PCCA: variants seen among roughly 807,000 people sequenced by gnomAD.
PCCA encodes the protein propionyl-CoA carboxylase subunit alpha, also known as propionyl-CoA carboxylase alpha chain, mitochondrial.
Under a neutral mutation model 101.3 loss-of-function variants are expected in PCCA, and 74 were observed. The observed-to-expected ratio is 0.73, with a 90% CI of 0.61 to 0.89. The LOEUF (loss-of-function observed/expected upper bound fraction) is 0.89. Among genes scored for constraint, PCCA ranks in the 40% least tolerant of loss-of-function variants. The pLI, the probability that PCCA is intolerant of heterozygous loss-of-function variation, is 0.00. For synonymous variants in PCCA, 294 were observed against 313.6 expected (o/e 0.94, Z 0.66); for missense variants, 891 against 907.0 (o/e 0.98, Z 0.23).
rs140226549 is a variant in PCCA, at chr13:100,198,522, C to G, written c.469-10810C>G. ...TTCATTCATTCATTCATTTTTGAGA[C>G]GAGTTTCGCTCTTGTTGCCCAGGCT... is the stretch of plus-strand genomic sequence containing the variant. On this transcript the variant is annotated intron_variant, in intron 6 of 23. Coordinates refer to ENST00000376285, the MANE Select transcript of PCCA (RefSeq NM_000282.4). The G allele has an allele frequency of 1.8e-3, 273 of 150,926 alleles. 1 individual carries two copies. The highest frequency in any genetic ancestry group is 6.2e-3 in the African/African-American group (252 of 40,678). 9.3% of individuals were successfully genotyped at this position (150,926 alleles called of 1,614,324 possible). A position where few individuals can be genotyped will look rare whatever the true frequency, so the allele number is the denominator to read the frequency against.
intron 11 of PCCA, among the ~76,000 whole-genome samples, chr13:100,269,341 G>C (rs972595964): frequency 6.6e-6 from 1 of 152,196 alleles, no homozygotes; most frequent in Admixed American, 6.5e-5. Flanking sequence ...ACAGCCAACT[G>C]TGACTTCTGC....
At chr13:100,295,426 A>G (rs1169314310) in intron 12 of PCCA, among the ~76,000 whole-genome samples, 1 of 152,264 alleles carries the variant, frequency 6.6e-6, no homozygotes, top group Non-Finnish European at 1.5e-5. Flanking sequence ...AGCTTTCGAA[A>G]AAACAAGTCT....
chr13:100,217,417 C>T (rs911228146), intron 7 of PCCA, among the ~76,000 whole-genome samples: 2 of 150,396 alleles, frequency 1.3e-5, no homozygotes, highest in Non-Finnish European at 2.9e-5. Flanking sequence ...GCACCCCAGC[C>T]TGGGTGACAG....
At chr13:100,525,022 T>TAGAC (rs1385717688) in intron 22 of PCCA, among the ~76,000 whole-genome samples, 9 of 141,622 alleles carry the variant, frequency 6.4e-5, no homozygotes, top group African/African-American at 2.2e-4. Flanking sequence ...GATAGATAGA[T>TAGAC]AGATAGACAG....
chr13:100,168,137 A>G (rs1181038163), intron 6 of PCCA, among the ~76,000 whole-genome samples: 2 of 152,172 alleles, frequency 1.3e-5, no homozygotes, highest in Non-Finnish European at 2.9e-5. Flanking sequence ...GAGAGATTCT[A>G]GTGTTCATTC....
chr13:100,113,311 G>A (rs554523410), intron 4 of PCCA, among the ~76,000 whole-genome samples: 2 of 152,162 alleles, frequency 1.3e-5, no homozygotes, highest in East Asian at 3.9e-4. Context: ...TAAAAATATA[G>A]TATAAAAGAT....
rs531086111 is a variant in PCCA, at chr13:100,107,999, T to G, written c.184-3842T>G. On this transcript the variant is annotated intron_variant, in intron 2 of 23. Coordinates refer to ENST00000376285, the MANE Select transcript of PCCA (RefSeq NM_000282.4). ...TGGACTTACCCATTGTGCTGTATCC[T>G]TTCTCAGAAGAGTTGGGCAAGTGAC... Among the ~76,000 whole-genome samples the G allele has an allele frequency of 2.0e-5, 3 of 152,316 alleles. No individual in the cohort carries two copies. The East Asian group carries it at 5.8e-4, about 29-fold the overall frequency.
chr13:100,234,056 A>T (rs1356155954), intron 7 of PCCA, among the ~76,000 whole-genome samples: 1 of 152,184 alleles, frequency 6.6e-6, no homozygotes, highest in African/African-American at 2.4e-5. Context: ...TTCTCTCATC[A>T]CGTTGGAAAG....
intron 21 of PCCA, among the ~76,000 whole-genome samples, chr13:100,465,970 A>G (rs1213339360): frequency 6.6e-6 from 1 of 152,264 alleles, no homozygotes; most frequent in Non-Finnish European, 1.5e-5. Context: ...CTCATATTGG[A>G]TCATGAACCA....
At chr13:100,118,737 TG>T (rs1281363622) in intron 4 of PCCA, among the ~76,000 whole-genome samples, 1 of 152,014 alleles carries the variant, frequency 6.6e-6, no homozygotes, top group East Asian at 1.9e-4. Flanking sequence ...TTTGTAAAGA[TG>T]GGGTTTCACC....
intron 4 of PCCA, 34 bp downstream of exon 4, chr13:100,112,095 T>C (rs933065617): frequency 5.3e-6 from 8 of 1,517,736 alleles, no homozygotes; most frequent in Non-Finnish European, 7.3e-6. Flanking sequence ...AAATCAGGAC[T>C]TAATTTTGGG....
At chr13:100,518,095 T>G (rs1240097289) in intron 22 of PCCA, among the ~76,000 whole-genome samples, 1 of 152,208 alleles carries the variant, frequency 6.6e-6, no homozygotes. Context: ...GTCTCCTTGG[T>G]GTATTTTCAA....
intron 20 of PCCA, among the ~76,000 whole-genome samples, chr13:100,436,499 G>A (rs1274221370): frequency 1.3e-5 from 2 of 152,202 alleles, no homozygotes; most frequent in Admixed American, 6.5e-5. Context: ...GGTTTGCAAA[G>A]GGAGTAGCCC....
intron 18 of PCCA, among the ~76,000 whole-genome samples, chr13:100,353,174 C>A (rs1482470882): frequency 6.6e-6 from 1 of 152,158 alleles, no homozygotes; most frequent in Non-Finnish European, 1.5e-5. Flanking sequence ...GAGAAATAGG[C>A]AATTCCACAA....
intron 21 of PCCA, among the ~76,000 whole-genome samples, chr13:100,506,638 C>G (rs2086099794): frequency 6.6e-6 from 1 of 152,172 alleles, no homozygotes; most frequent in Non-Finnish European, 1.5e-5. Context: ...CACATTAGAA[C>G]ACTTCCCAGG....
At chr13:100,137,684 AT>A (rs1031986442) in intron 4 of PCCA, among the ~76,000 whole-genome samples, 26 of 150,586 alleles carry the variant, frequency 1.7e-4, no homozygotes, top group African/African-American at 6.1e-4. Context: ...TTTGCATCGT[AT>A]TTTTTCCCAT....
chr13:100,380,740 T>G (rs1230578512), intron 19 of PCCA, among the ~76,000 whole-genome samples: 1 of 152,196 alleles, frequency 6.6e-6, no homozygotes, highest in Non-Finnish European at 1.5e-5. Flanking sequence ...TAAAAATAGA[T>G]GAATTGTTCA....
At chr13:100,098,321 C>T (rs1289292540) in intron 1 of PCCA, among the ~76,000 whole-genome samples, 1 of 152,110 alleles carries the variant, frequency 6.6e-6, no homozygotes, top group Non-Finnish European at 1.5e-5. Flanking sequence ...AGGTCTTTTA[C>T]ATTTTCTGGG....
chr13:100,515,884 G>A (rs2086801115), intron 22 of PCCA, among the ~76,000 whole-genome samples: 1 of 152,214 alleles, frequency 6.6e-6, no homozygotes, highest in Non-Finnish European at 1.5e-5. Flanking sequence ...CTAGTATGCT[G>A]TGCTCAAAGC....
Sources: allele counts gnomAD v4.1 joint callset (sites outside exome capture counted in the v4.1 genomes callset), GRCh38; gene constraint gnomAD v4.1.1; transcripts MANE v1.5; gene names NCBI Gene and HGNC (gene_info 2026-07-23, HGNC 2026-07-21).